Variants in MAGI2 observed in about 807,000 individuals in gnomAD.
The protein encoded by MAGI2 is membrane-associated guanylate kinase, WW and PDZ domain-containing protein 2.
Under a neutral mutation model 133.3 loss-of-function variants are expected in MAGI2, and 35 were observed. That is an observed-to-expected ratio of 0.26 (90% CI 0.20 to 0.35). MAGI2 has a LOEUF of 0.35. Among genes scored for constraint, MAGI2 ranks in the 10% least tolerant of loss-of-function variants. The probability of loss-of-function intolerance (pLI) is 1.00; values close to 1 mark genes in which losing one functional copy is unlikely to be tolerated. For synonymous variants in MAGI2, 729 were observed against 710.6 expected (o/e 1.03, Z -0.41); for missense variants, 1,636 against 1,863.4 (o/e 0.88, Z 2.25).
At chr7:78,675,070 A>G (rs557822799) in intron 2 of MAGI2, among the ~76,000 whole-genome samples, 1 of 152,296 alleles carries the variant, frequency 6.6e-6, no homozygotes, top group South Asian at 2.1e-4. Context: ...AGAACTATAG[A>G]TGACTGTCAG....
chr7:78,045,172 T>A (rs528609168), intron 21 of MAGI2, among the ~76,000 whole-genome samples: 12 of 152,030 alleles, frequency 7.9e-5, no homozygotes, highest in South Asian at 6.2e-4. Flanking sequence ...TCTCAAAAAA[T>A]AAATAAATAA....
intron 21 of MAGI2, among the ~76,000 whole-genome samples, chr7:78,074,958 G>C (rs936278882): frequency 6.6e-6 from 1 of 152,216 alleles, no homozygotes; most frequent in Non-Finnish European, 1.5e-5. Flanking sequence ...TTGGCCATTG[G>C]CTGGTGCCTG....
rs1190999370 is a variant in MAGI2, at chr7:79,012,592, G to A, written c.302-5386C>T. On this transcript the variant is annotated intron_variant, in intron 1 of 21. Coordinates refer to ENST00000354212, the MANE Select transcript of MAGI2 (RefSeq NM_012301.4). ...TTTTTAACATACAAGGCCATGAAACGTATGCTAAATAAATAAATCACAAAT... is the reference window on the plus strand; with the variant it reads ...TTTTTAACATACAAGGCCATGAAACATATGCTAAATAAATAAATCACAAAT... 3.9e-5 allele frequency among the ~76,000 whole-genome samples: 6 copies of A among 152,082 alleles called. No homozygotes were observed. The South Asian group carries it at 1.0e-3, about 26-fold the overall frequency.
chr7:78,296,435 C>T (rs1358924575), intron 9 of MAGI2, among the ~76,000 whole-genome samples: 1 of 152,142 alleles, frequency 6.6e-6, no homozygotes, highest in Non-Finnish European at 1.5e-5. Flanking sequence ...CCCTCACAGA[C>T]ATTTCTTGAG....
intron 1 of MAGI2, among the ~76,000 whole-genome samples, chr7:79,012,447 G>A (rs184172914): frequency 2.6e-5 from 4 of 152,238 alleles, no homozygotes; most frequent in Admixed American, 2.6e-4. Flanking sequence ...AGGCCAAACT[G>A]TAATTTGTGG....
chr7:78,624,306 T>C (rs1808083374), intron 3 of MAGI2, among the ~76,000 whole-genome samples: 1 of 152,192 alleles, frequency 6.6e-6, no homozygotes, highest in African/African-American at 2.4e-5. Flanking sequence ...GTGCAGAAGC[T>C]ATTTAGTTTA....
intron 21 of MAGI2, among the ~76,000 whole-genome samples, chr7:78,067,237 G>A (rs555335986): frequency 1.3e-5 from 2 of 152,298 alleles, no homozygotes; most frequent in Admixed American, 6.5e-5. Context: ...GTCACACAGC[G>A]AAGGCTCTCA....
At chr7:78,912,160 C>G (rs1280127629) in intron 2 of MAGI2, among the ~76,000 whole-genome samples, 1 of 152,128 alleles carries the variant, frequency 6.6e-6, no homozygotes, top group Admixed American at 6.5e-5. Flanking sequence ...TTAAATTGAA[C>G]AGCTACTATG....
At chr7:78,475,195 T>G (rs981296359) in intron 6 of MAGI2, among the ~76,000 whole-genome samples, 4 of 151,918 alleles carry the variant, frequency 2.6e-5, no homozygotes, top group African/African-American at 9.7e-5. Context: ...GTTTTAGTAA[T>G]CAGAGTGGAA....
At chr7:79,008,341 C>T (rs533131455) in intron 1 of MAGI2, among the ~76,000 whole-genome samples, 8 of 152,264 alleles carry the variant, frequency 5.3e-5, no homozygotes, top group African/African-American at 1.9e-4. Flanking sequence ...GCAAAACAAA[C>T]AGCTTTGACA....
chr7:78,564,337 A>C (rs1403329967), intron 3 of MAGI2, among the ~76,000 whole-genome samples: 1 of 152,196 alleles, frequency 6.6e-6, no homozygotes, highest in Non-Finnish European at 1.5e-5. Context: ...CAATTAATAT[A>C]TTAAAATATA....
chr7:78,698,111 C>G (rs1156287061), intron 2 of MAGI2, among the ~76,000 whole-genome samples: 1 of 152,076 alleles, frequency 6.6e-6, no homozygotes, highest in Non-Finnish European at 1.5e-5. Flanking sequence ...TTAAAAAATA[C>G]TAATACGAAT....
At position 78,450,975 on chromosome 7, in the gene MAGI2, G is replaced by A. The variant is rs912916881; in HGVS notation, c.1045+38786C>T. Among the ~76,000 whole-genome samples the A allele has an allele frequency of 8.5e-5, 13 of 152,150 alleles. No homozygotes were observed. The South Asian group carries it at 2.5e-3, about 29-fold the overall frequency. ...GATATGATTTTCACATAATGATAGG[G>A]CATGACAAGTAAGAAAAGACAGAAA... On this transcript the variant is annotated intron_variant, in intron 6 of 21. Coordinates refer to ENST00000354212, the MANE Select transcript of MAGI2 (RefSeq NM_012301.4).
rs569284301 is a variant in MAGI2, at chr7:79,131,076, C to T, written c.302-123870G>A. ...ATCATTTAGCTCTCTAGGAAAGGTGCTGTGAAAGGAAGAATTCAGTCAGTA... is the reference window on the plus strand; with the variant it reads ...ATCATTTAGCTCTCTAGGAAAGGTGTTGTGAAAGGAAGAATTCAGTCAGTA... On this transcript the variant is annotated intron_variant, in intron 1 of 21. Transcript: ENST00000354212. 4.1e-4 allele frequency among the ~76,000 whole-genome samples: 62 copies of T among 152,214 alleles called. No individual in the cohort carries two copies. In the South Asian group the frequency reaches 0.013, roughly 31 times the overall value.
chr7:78,982,756 AGGTAC>A (rs1804901867), intron 2 of MAGI2, among the ~76,000 whole-genome samples: 2 of 9,474 alleles, frequency 2.1e-4, no homozygotes, highest in African/African-American at 2.1e-3. Context: ...AGGGAAGGGA[AGGTAC>A]TACTACACCA....
At chr7:79,263,991 A>G (rs189432875) in intron 1 of MAGI2, among the ~76,000 whole-genome samples, 8 of 152,328 alleles carry the variant, frequency 5.3e-5, no homozygotes, top group African/African-American at 1.7e-4. Context: ...GGTCTATGGC[A>G]GAAATGTAAT....
At chr7:79,331,947 A>T (rs1023838085) in intron 1 of MAGI2, among the ~76,000 whole-genome samples, 27 of 12,274 alleles carry the variant, frequency 2.2e-3, no homozygotes, top group Non-Finnish European at 6.7e-3. Flanking sequence ...AAAGTATAAT[A>T]AAAAAAAAAA....
intron 1 of MAGI2, among the ~76,000 whole-genome samples, chr7:79,071,705 C>T (rs1412998151): frequency 3.3e-5 from 5 of 151,736 alleles, no homozygotes; most frequent in Non-Finnish European, 7.4e-5. Context: ...CGCGGCCTTA[C>T]GGAGCTGTGG....
At chr7:79,325,316 C>T (rs1474841739) in intron 1 of MAGI2, among the ~76,000 whole-genome samples, 6 of 152,082 alleles carry the variant, frequency 3.9e-5, no homozygotes, top group African/African-American at 1.2e-4. Flanking sequence ...CATGCTCGTG[C>T]CTGGAATGTC....
Sources: allele counts gnomAD v4.1 joint callset (sites outside exome capture counted in the v4.1 genomes callset), GRCh38; gene constraint gnomAD v4.1.1; transcripts MANE v1.5; gene names NCBI Gene and HGNC (gene_info 2026-07-23, HGNC 2026-07-21).